The following NFATC3 variants were observed in gnomAD, a reference collection of about 807,000 sequenced individuals.
NFATC3 encodes nuclear factor of activated T-cells, cytoplasmic 3.
Under a neutral mutation model 98.6 loss-of-function variants are expected in NFATC3, and 46 were observed. The ratio of observed to expected loss-of-function variants is 0.47; its 90% CI spans 0.37 to 0.60. The LOEUF (loss-of-function observed/expected upper bound fraction) is 0.60, where lower values mean the gene tolerates loss of function less well. NFATC3 is among the 20% of genes least tolerant of loss of function. The pLI, the probability that NFATC3 is intolerant of heterozygous loss-of-function variation, is 0.00. For missense variants in NFATC3, 1,256 were observed against 1,295.5 expected (o/e 0.97, Z 0.47); for synonymous variants, 512 against 472.2 (o/e 1.08, Z -1.09).
At chr16:68,092,754 C>G (rs1471127993) in intron 1 of NFATC3, among the ~76,000 whole-genome samples, 1 of 152,112 alleles carries the variant, frequency 6.6e-6, no homozygotes, top group South Asian at 2.1e-4. Flanking sequence ...GTTAGTGCAT[C>G]GAGTTGTTCT....
At chr16:68,159,404 C>CTTTT (rs577760579) in intron 4 of NFATC3, among the ~76,000 whole-genome samples, 2 of 133,346 alleles carry the variant, frequency 1.5e-5, no homozygotes, top group Non-Finnish European at 3.3e-5. Flanking sequence ...ACCTTTCTTT[C>CTTTT]TTTTTTTTTT....
intron 4 of NFATC3, among the ~76,000 whole-genome samples, chr16:68,165,989 G>A (rs2039174504): frequency 6.6e-6 from 1 of 152,222 alleles, no homozygotes; most frequent in South Asian, 2.1e-4. Flanking sequence ...ATGATGAAAT[G>A]TTATACCTTA....
At chr16:68,145,224 A>G (rs562034421) in intron 3 of NFATC3, among the ~76,000 whole-genome samples, 39 of 151,484 alleles carry the variant, frequency 2.6e-4, no homozygotes, top group East Asian at 9.7e-4. Flanking sequence ...GCTCACTGCA[A>G]CCTCAGACTC....
intron 2 of NFATC3, among the ~76,000 whole-genome samples, chr16:68,125,278 A>G (rs905884716): frequency 6.6e-6 from 1 of 152,214 alleles, no homozygotes; most frequent in Admixed American, 6.5e-5. Context: ...TAGGCTGAGG[A>G]CATGGAAGGA....
At chr16:68,087,013 G>A (rs542869523) in intron 1 of NFATC3, among the ~76,000 whole-genome samples, 101 of 152,336 alleles carry the variant, frequency 6.6e-4, no homozygotes, top group African/African-American at 2.3e-3. Context: ...ATAGTTGGAG[G>A]AGACACATAG....
chr16:68,186,795 T>C (rs1462207235), intron 8 of NFATC3, among the ~76,000 whole-genome samples: 2 of 152,218 alleles, frequency 1.3e-5, no homozygotes, highest in African/African-American at 2.4e-5. Flanking sequence ...GTTAGTGTTA[T>C]TTTGTTTGTC....
At chr16:68,149,086 T>C (rs1220189331) in intron 3 of NFATC3, among the ~76,000 whole-genome samples, 1 of 152,158 alleles carries the variant, frequency 6.6e-6, no homozygotes, top group African/African-American at 2.4e-5. Context: ...ATAATGCCTG[T>C]CTTACCCTGA....
chr16:68,203,188 T>C (rs1216310577), intron 9 of NFATC3, among the ~76,000 whole-genome samples: 1 of 152,200 alleles, frequency 6.6e-6, no homozygotes, highest in Admixed American at 6.5e-5. Context: ...GTTTTAGGCC[T>C]AATGAAGAAA....
In NFATC3 at chr16:68,110,332, G is replaced by A. The variant is rs549383716; in HGVS notation, c.104-11655G>A. Among the ~76,000 whole-genome samples, 11 of 135,792 alleles carry A rather than the reference G, an allele frequency of 8.1e-5. No homozygotes were observed. In the East Asian group the frequency reaches 8.8e-4, roughly 11 times the overall value. The allele number at this position is 135,792 out of a possible 152,430, so 89.1% of individuals were successfully genotyped here. On this transcript the variant is annotated intron_variant, in intron 1 of 9. Transcript: ENST00000346183. ...AATTTTTTTTTTTTTTTTTCGAGAC[G>A]AAGTCTCGCTCTGTTGCCCAGGCTG...
At chr16:68,097,971 G>T (rs1056781654) in intron 1 of NFATC3, among the ~76,000 whole-genome samples, 47 of 151,964 alleles carry the variant, frequency 3.1e-4, no homozygotes, top group Admixed American at 3.1e-3. Context: ...TTTTGCGGGG[G>T]TTGGGTGCTG....
chr16:68,169,541 C>T (rs2039363134), intron 5 of NFATC3, among the ~76,000 whole-genome samples: 1 of 152,174 alleles, frequency 6.6e-6, no homozygotes, highest in Non-Finnish European at 1.5e-5. Flanking sequence ...GCTTGAGCCA[C>T]CATGCTCGGC....
rs772979448 is a variant in NFATC3, at chr16:68,183,408, T to A, written c.2098+42T>A. The A allele has an allele frequency of 2.5e-6, 4 of 1,596,304 alleles. No individual in the cohort carries two copies. The African/African-American group carries it at 5.4e-5, about 21-fold the overall frequency. On this transcript the variant is annotated intron_variant, in intron 8 of 9. Coordinates refer to ENST00000346183, the MANE Select transcript of NFATC3 (RefSeq NM_173165.3). ...TGGTTTACTATAGAGCTTTCTTTCC[T>A]AATGAATAAAAAGTTATTTAACGAA...
rs1234605549 is a variant in NFATC3 at position 68,122,024 on chromosome 16, T to A, written c.141T>A (p.Phe47Leu). ...ATGATTGTGCATCCATTTACATCTT[T>A]AATGTAGATCCACCTCCATCTACTT... Reference protein sequence around the residue: ...EPDDCASIYIFNVDPPPSTLT... With the variant: ...EPDDCASIYILNVDPPPSTLT... Residue 47 changes from phenylalanine (F) to leucine (L), a missense_variant, in exon 2 of 10, where the codon TTT (phenylalanine) becomes TTA (leucine). Coordinates refer to ENST00000346183, the MANE Select transcript of NFATC3 (RefSeq NM_173165.3). The A allele has an allele frequency of 6.2e-7, 1 of 1,613,468 alleles. No homozygotes were observed. Among genetic ancestry groups the A allele is most frequent in the Admixed American group, 1.7e-5 (1 of 59,946 alleles).
At chr16:68,099,889 G>A (rs1452560201) in intron 1 of NFATC3, among the ~76,000 whole-genome samples, 1 of 152,070 alleles carries the variant, frequency 6.6e-6, no homozygotes, top group East Asian at 1.9e-4. Context: ...CCTCACTGCA[G>A]CCTTGAACTC....
At chr16:68,196,514 A>C (rs556649574) in intron 9 of NFATC3, among the ~76,000 whole-genome samples, 16 of 152,306 alleles carry the variant, frequency 1.1e-4, no homozygotes, top group African/African-American at 3.6e-4. Context: ...TAGAAAAAAA[A>C]GTTCTGCAAA....
chr16:68,181,605 A>G, intron 7 of NFATC3, 75 bp downstream of exon 7: 1 of 1,103,648 alleles, frequency 9.1e-7, no homozygotes, highest in East Asian at 2.4e-5. Context: ...GCTTTATGGT[A>G]TGGATGACTC....
chr16:68,175,414 A>G (rs547641629), intron 6 of NFATC3, among the ~76,000 whole-genome samples: 89 of 152,352 alleles, frequency 5.8e-4, no homozygotes, highest in African/African-American at 1.8e-3. Flanking sequence ...GATGGATTTT[A>G]TAGTATGTGA....
chr16:68,205,986 C>T (rs1410415936), intron 9 of NFATC3, among the ~76,000 whole-genome samples: 1 of 152,052 alleles, frequency 6.6e-6, no homozygotes, highest in African/African-American at 2.4e-5. Context: ...CAACCCCCAC[C>T]TCCCAAATCT....
At chr16:68,224,827 A>G (rs1393500528) in intron 9 of NFATC3, 2 of 152,160 alleles carry the variant, frequency 1.3e-5, no homozygotes, top group African/African-American at 2.4e-5. Flanking sequence ...GTTTTTGTTT[A>G]TAACAGCTGT....
Sources: gnomAD v4.1 joint callset for allele counts (sites outside exome capture counted in the v4.1 genomes callset) on GRCh38, gnomAD v4.1.1 for gene constraint, MANE v1.5 for transcripts, NCBI Gene and HGNC (gene_info 2026-07-23, HGNC 2026-07-21) for gene names.